The following KLHL36 variants were observed in gnomAD, a reference collection of about 807,000 sequenced individuals.
KLHL36 encodes kelch like family member 36.
Under a neutral mutation model 53.3 loss-of-function variants are expected in KLHL36, and 35 were observed. The observed-to-expected ratio is 0.66, with a 90% CI of 0.50 to 0.87. KLHL36 has a LOEUF of 0.87. Among genes scored for constraint, KLHL36 ranks in the 40% least tolerant of loss-of-function variants. KLHL36 has a pLI of 0.00. For synonymous variants in KLHL36, 472 were observed against 398.9 expected, an observed-to-expected ratio of 1.18 and a Z score of -2.18; for missense variants, 864 against 897.6, an observed-to-expected ratio of 0.96 and a Z score of 0.48.
intron 2 of KLHL36, among the ~76,000 whole-genome samples, chr16:84,651,762 A>G (rs574813988): frequency 4.4e-4 from 67 of 152,270 alleles, no homozygotes; most frequent in African/African-American, 1.6e-3. Flanking sequence ...TATGCATAAG[A>G]CACAATTATA....
chr16:84,662,102 A>T lies in KLHL36; in HGVS notation c.1820A>T (p.Lys607Ile). 1 of 1,565,024 alleles carries T rather than the reference A, an allele frequency of 6.4e-7. No homozygotes were observed. Among genetic ancestry groups the T allele is most frequent in the Non-Finnish European group, 8.7e-7 (1 of 1,154,086 alleles). ...PRPEDKKKKG[K>I]GKRHQDRGQ ...CCAGAGGACAAGAAGAAGAAAGGCA[A>T]AGGCAAGAGGCACCAGGACCGGGGC... Residue 607 changes from lysine (K) to isoleucine (I), a missense_variant, in exon 5 of 5, where the codon AAA becomes ATA. Lys to Ile is a moderately radical substitution (Grantham distance 102). Coordinates refer to ENST00000564996, the MANE Select transcript of KLHL36 (RefSeq NM_024731.4).
chr16:84,657,272 C>A lies in KLHL36; in HGVS notation c.465C>A (p.Ala155=). ...EDNYLYLQEL[A]SIYSLKRLDA... ...ACTACCTGTACCTGCAGGAGCTGGC[C>A]TCCATCTACAGCCTCAAGCGGCTTG... is the stretch of plus-strand genomic sequence containing the variant. Residue 155 remains alanine (A), a synonymous_variant, in exon 3 of 5, where the codon GCC becomes GCA. Coordinates refer to ENST00000564996, the MANE Select transcript of KLHL36 (RefSeq NM_024731.4). 6.2e-7 allele frequency: 1 copy of A among 1,614,118 alleles called. No individual in the cohort carries two copies. The highest frequency in any genetic ancestry group is 8.5e-7 in the Non-Finnish European group (1 of 1,180,040).
chr16:84,657,244 A>G lies in KLHL36; in HGVS notation c.437A>G (p.Asp146Gly), dbSNP rs1325036785. 1 of 1,614,132 alleles carries G rather than the reference A, an allele frequency of 6.2e-7. No individual in the cohort carries two copies. Among genetic ancestry groups the G allele is most frequent in the Non-Finnish European group, 8.5e-7 (1 of 1,180,026 alleles). The part of the protein sequence containing the change: ...CEYLEQEVSE[D>G]NYLYLQELAS... Reference sequence around the variant, plus strand: ...TACCTGGAGCAGGAGGTGAGCGAGGACAACTACCTGTACCTGCAGGAGCTG... The same window carrying G: ...TACCTGGAGCAGGAGGTGAGCGAGGGCAACTACCTGTACCTGCAGGAGCTG... Residue 146 changes from aspartate to glycine, a missense_variant, in exon 3 of 5, where the codon GAC (aspartate) becomes GGC (glycine). Physicochemically the swap from Asp to Gly is moderately conservative, Grantham distance 94 (BLOSUM62 -1). Coordinates refer to ENST00000564996, the MANE Select transcript of KLHL36 (RefSeq NM_024731.4).
At position 84,664,246 on chromosome 16, in the gene KLHL36, G is replaced by T. The variant is rs770890610; in HGVS notation, c.*2113G>T. The stretch of plus-strand genomic sequence containing the variant: ...AGAAGGCAGGGTAGGGTGTACGTGG[G>T]CTGTTCTCCCCATCTCAGCCTGGGT... On this transcript the variant is annotated 3_prime_UTR_variant, in exon 5 of 5. Transcript: ENST00000564996. The T allele has an allele frequency of 1.3e-5, 2 of 152,162 alleles. No individual in the cohort carries two copies. The highest frequency in any genetic ancestry group is 2.9e-5 in the Non-Finnish European group (2 of 68,054). The allele number at this position is 152,162 out of a possible 1,614,324, so 9.4% of individuals were successfully genotyped here.
At chr16:84,655,017 G>A (rs2967865) in intron 2 of KLHL36, among the ~76,000 whole-genome samples, 151,268 of 152,356 alleles carry the variant, frequency 0.99, 75,104 homozygotes, top group Middle Eastern at 1. Context: ...TTAAAAGCCC[G>A]GTGTAGGCCA....
At chr16:84,649,944 T>C (rs964323378) in intron 1 of KLHL36, among the ~76,000 whole-genome samples, 1 of 152,166 alleles carries the variant, frequency 6.6e-6, no homozygotes, top group African/African-American at 2.4e-5. Context: ...CTTCCATCTT[T>C]GAAGCACCTG....
intron 2 of KLHL36, among the ~76,000 whole-genome samples, chr16:84,656,659 A>G (rs900574632): frequency 1.4e-5 from 2 of 147,912 alleles, no homozygotes. Flanking sequence ...GAAAGAAAGA[A>G]AGAAGTTATA....
In KLHL36 at chr16:84,650,844, TCTC is replaced by T. The variant is rs754185183; in HGVS notation, c.-16-5_-16-3del. On this transcript the variant is annotated splice_region_variant and splice_polypyrimidine_tract_variant and intron_variant, in intron 1 of 4. Transcript: ENST00000564996. ...ACTGCATGCTCAGAAATCCTGTTCT[TCTC>T]CTAGGGCTGAAATCTCTTTAATGAT... is the stretch of plus-strand genomic sequence containing the variant. 2.5e-6 allele frequency: 4 copies of T among 1,605,970 alleles called. No homozygotes were observed. Among genetic ancestry groups the T allele is most frequent in the East Asian group, 2.2e-5 (1 of 44,738 alleles).
intron 4 of KLHL36, among the ~76,000 whole-genome samples, chr16:84,660,415 G>A (rs893990273): frequency 6.6e-6 from 1 of 152,106 alleles, no homozygotes; most frequent in Non-Finnish European, 1.5e-5. Context: ...AGTGCCCCAG[G>A]GTGGCCGCCT....
chr16:84,660,726 G>C (rs528743773), intron 4 of KLHL36, among the ~76,000 whole-genome samples: 1 of 152,224 alleles, frequency 6.6e-6, no homozygotes, highest in Admixed American at 6.5e-5. Context: ...AACTCAAGCA[G>C]TTCTCCTGCC....
At position 84,662,238 on chromosome 16, in the gene KLHL36, C is replaced by CT. The variant is rs1350163126; in HGVS notation, c.*112dup. 1.1e-5 allele frequency: 11 copies of CT among 1,005,894 alleles called. No homozygotes were observed. The highest frequency in any genetic ancestry group is 1.4e-5 in the Non-Finnish European group (10 of 710,624). 62.3% of individuals were successfully genotyped at this position (1,005,894 alleles called of 1,614,324 possible). On this transcript the variant is annotated 3_prime_UTR_variant, in exon 5 of 5. Coordinates refer to ENST00000564996, the MANE Select transcript of KLHL36 (RefSeq NM_024731.4). ...GGAAACATTATGTACAACTTAGCAG[C>CT]TTTTTTTACTTTTATGATTCTTGGT...
intron 3 of KLHL36, chr16:84,658,191 A>G: frequency 2.6e-6 from 1 of 380,900 alleles, no homozygotes; most frequent in East Asian, 4.0e-5. Context: ...CTTTCTGTGC[A>G]GATGGAAGGG....
rs1236251308 is a variant in KLHL36, at chr16:84,666,235, G to A, written c.*4102G>A. 3 of 152,172 alleles carry A rather than the reference G, an allele frequency of 2.0e-5. No individual in the cohort carries two copies. Among genetic ancestry groups the A allele is most frequent in the South Asian group, 2.1e-4 (1 of 4,824 alleles). 9.4% of individuals were successfully genotyped at this position (152,172 alleles called of 1,614,324 possible). A position where few individuals can be genotyped will look rare whatever the true frequency, so the allele number is the denominator to read the frequency against. On this transcript the variant is annotated 3_prime_UTR_variant, in exon 5 of 5. Coordinates refer to ENST00000564996, the MANE Select transcript of KLHL36 (RefSeq NM_024731.4). ...AACTGTTTTGTAGAATGCCTGCCGG[G>A]GTTTTCCACCTCATCCCTTTCCTCC...
chr16:84,658,086 A>C, intron 3 of KLHL36, 142 bp downstream of exon 3: 1 of 679,098 alleles, frequency 1.5e-6, no homozygotes, highest in South Asian at 2.5e-5. Flanking sequence ...GACGAGCAGA[A>C]TACCCCGGGG....
chr16:84,656,150 C>T (rs781513401), intron 2 of KLHL36, among the ~76,000 whole-genome samples: 33 of 152,288 alleles, frequency 2.2e-4, no homozygotes, highest in Middle Eastern at 3.4e-3. Context: ...CCGTCTCAGT[C>T]TCACAAAGCA....
In KLHL36 at chr16:84,661,924, A is replaced by C. The variant is rs1249609277; in HGVS notation, c.1642A>C (p.Ile548Leu). Residue 548 changes from isoleucine to leucine, a missense_variant, in exon 5 of 5, where the codon ATC becomes CTC. Ile to Leu is a conservative substitution (Grantham distance 5, BLOSUM62 2). Coordinates refer to ENST00000564996, the MANE Select transcript of KLHL36 (RefSeq NM_024731.4). This position sits in a 1 kb window ranked among gnomAD's most constrained non-coding sequence, Gnocchi z 7.9. ...GGGCGTGGCAGTGTGGGAGGGCCGCATCTACATCCTGGGCGGCTACAGCTG... is the reference window on the plus strand; with the variant it reads ...GGGCGTGGCAGTGTGGGAGGGCCGCCTCTACATCCTGGGCGGCTACAGCTG... ...ESGVAVWEGR[I>L]YILGGYSWEN... The C allele has an allele frequency of 6.2e-7, 1 of 1,601,892 alleles. No homozygotes were observed. The highest frequency in any genetic ancestry group is 1.7e-4 in the Middle Eastern group (1 of 6,034).
In KLHL36 at chr16:84,662,843, T is replaced by C. The variant is rs2150730379; in HGVS notation, c.*710T>C. 1 of 147,926 alleles carries C rather than the reference T, an allele frequency of 6.8e-6. No individual in the cohort carries two copies. The highest frequency in any genetic ancestry group is 3.4e-3 in the Middle Eastern group (1 of 290). 9.2% of individuals were successfully genotyped at this position (147,926 alleles called of 1,614,324 possible). On this transcript the variant is annotated 3_prime_UTR_variant, in exon 5 of 5. Coordinates refer to ENST00000564996, the MANE Select transcript of KLHL36 (RefSeq NM_024731.4). ...TGAACGCTGTTTCTGAATAATTCCGTCTTTCCTCATTGGAAACCTTCTTGA... is the reference window on the plus strand; with the variant it reads ...TGAACGCTGTTTCTGAATAATTCCGCCTTTCCTCATTGGAAACCTTCTTGA...
rs553592258 is a variant in KLHL36 at position 84,649,470 on chromosome 16, A to C, written c.-17+821A>C. Reference sequence around the variant, plus strand: ...CTGGGGCACCCGAGCGCCAGGTCTCACTGTGGGAACGACGGTGTCACCTCT... The same window carrying C: ...CTGGGGCACCCGAGCGCCAGGTCTCCCTGTGGGAACGACGGTGTCACCTCT... On this transcript the variant is annotated intron_variant, in intron 1 of 4. Transcript: ENST00000564996. 5.3e-5 allele frequency among the ~76,000 whole-genome samples: 8 copies of C among 150,928 alleles called. 1 individual carries two copies. In the South Asian group the frequency reaches 1.7e-3, roughly 32 times the overall value.
At chr16:84,649,848 CG>C (rs1398023148) in intron 1 of KLHL36, among the ~76,000 whole-genome samples, 2 of 151,180 alleles carry the variant, frequency 1.3e-5, no homozygotes, top group African/African-American at 4.9e-5. Flanking sequence ...ACTCAAATAG[CG>C]GGGGAAAAAA....
Sources: allele counts gnomAD v4.1 joint callset (sites outside exome capture counted in the v4.1 genomes callset), GRCh38; gene constraint gnomAD v4.1.1; non-coding constraint Gnocchi (gnomAD v3.1); transcripts MANE v1.5; gene names NCBI Gene and HGNC (gene_info 2026-07-23, HGNC 2026-07-21).